Variants in KAT2B observed in about 807,000 individuals in gnomAD.
The protein encoded by KAT2B is lysine acetyltransferase 2B, also known as histone acetyltransferase KAT2B.
A neutral mutation model predicts 105.9 loss-of-function variants in KAT2B; 36 were observed. The ratio of observed to expected loss-of-function variants is 0.34; its 90% confidence interval spans 0.26 to 0.45. KAT2B has a LOEUF of 0.45. Ranked by LOEUF, KAT2B falls within the 20% of genes least tolerant of loss-of-function variation. The pLI, the probability that KAT2B is intolerant of heterozygous loss-of-function variation, is 1.00. For missense variants in KAT2B, 820 were observed against 1,021.6 expected (o/e 0.80, Z 2.69); for synonymous variants, 397 against 377.9 (o/e 1.05, Z -0.59).
chr3:20,056,120 G>A (rs548676141), intron 1 of KAT2B, among the ~76,000 whole-genome samples: 1 of 152,282 alleles, frequency 6.6e-6, no homozygotes, highest in Admixed American at 6.5e-5. Context: ...GAAGAATAAA[G>A]TATATGAGAG....
At chr3:20,108,903 G>A (rs1699070840) in intron 5 of KAT2B, among the ~76,000 whole-genome samples, 1 of 152,150 alleles carries the variant, frequency 6.6e-6, no homozygotes, top group African/African-American at 2.4e-5. Flanking sequence ...ATGATCTGAG[G>A]TGGAACAGTT....
intron 2 of KAT2B, among the ~76,000 whole-genome samples, 179 bp downstream of exon 2, chr3:20,072,638 G>T (rs906549059): frequency 6.6e-6 from 1 of 152,228 alleles, no homozygotes; most frequent in Non-Finnish European, 1.5e-5. Flanking sequence ...AGAGACAAAT[G>T]CTGCACTGTG....
chr3:20,099,216 C>G (rs1389303970), intron 3 of KAT2B, among the ~76,000 whole-genome samples: 8 of 152,078 alleles, frequency 5.3e-5, no homozygotes, highest in Admixed American at 5.2e-4. Context: ...CATTGAGATG[C>G]CAGAACAGTT....
chr3:20,151,528 C>T (rs571008139), intron 17 of KAT2B, among the ~76,000 whole-genome samples: 1 of 152,016 alleles, frequency 6.6e-6, no homozygotes, highest in Non-Finnish European at 1.5e-5. Flanking sequence ...TTCAAGACAA[C>T]CAGGGAACCA....
chr3:20,077,501 A>G (rs1208895978), intron 2 of KAT2B, among the ~76,000 whole-genome samples: 1 of 152,210 alleles, frequency 6.6e-6, no homozygotes, highest in Non-Finnish European at 1.5e-5. Context: ...AAATGTGTTT[A>G]CTCTGAATTG....
intron 14 of KAT2B, 38 bp downstream of exon 14, chr3:20,146,468 G>A (rs1217974579): frequency 2.6e-6 from 3 of 1,158,456 alleles, no homozygotes; most frequent in African/African-American, 3.1e-5. Context: ...AAATTTTTTA[G>A]TAATGCCGTG....
At chr3:20,141,025 C>G (rs555827139) in intron 13 of KAT2B, among the ~76,000 whole-genome samples, 1 of 152,282 alleles carries the variant, frequency 6.6e-6, no homozygotes, top group African/African-American at 2.4e-5. Flanking sequence ...CATCTATTTA[C>G]TATTCTCCAA....
chr3:20,110,672 CAAAAAAAAAA>C (rs55653348), intron 5 of KAT2B, among the ~76,000 whole-genome samples: 7 of 69,492 alleles, frequency 1.0e-4, no homozygotes, highest in Admixed American at 3.2e-4. Context: ...GACCCTGTCT[CAAAAAAAAAA>C]AAAAAAAAAG....
chr3:20,079,760 G>A (rs1022911576), intron 2 of KAT2B, among the ~76,000 whole-genome samples: 1 of 152,158 alleles, frequency 6.6e-6, no homozygotes, highest in African/African-American at 2.4e-5. Flanking sequence ...ACGTAAACAT[G>A]GGGCCCAGCT....
intron 2 of KAT2B, among the ~76,000 whole-genome samples, chr3:20,080,337 T>G (rs1293088890): frequency 6.6e-6 from 1 of 152,208 alleles, no homozygotes; most frequent in African/African-American, 2.4e-5. Context: ...GCCTTAGATC[T>G]GGAAGCTCAC....
intron 1 of KAT2B, among the ~76,000 whole-genome samples, chr3:20,059,566 G>A (rs1178005527): frequency 6.6e-6 from 1 of 151,210 alleles, no homozygotes; most frequent in Non-Finnish European, 1.5e-5. Flanking sequence ...TTAGCCAGGT[G>A]TGGTGGCGGG....
chr3:20,107,668 A>C (rs1699046133), intron 5 of KAT2B, among the ~76,000 whole-genome samples: 1 of 150,860 alleles, frequency 6.6e-6, no homozygotes, highest in African/African-American at 2.4e-5. Flanking sequence ...AAAAAAAAAA[A>C]AAAACCACAA....
At chr3:20,062,189 A>C (rs376998670) in intron 1 of KAT2B, among the ~76,000 whole-genome samples, 1 of 52,492 alleles carries the variant, frequency 1.9e-5, no homozygotes, top group Non-Finnish European at 3.4e-5. Context: ...ATAATATATA[A>C]AATATATATA....
intron 4 of KAT2B, among the ~76,000 whole-genome samples, chr3:20,100,211 CAT>C (rs1698886279): frequency 6.6e-6 from 1 of 152,072 alleles, no homozygotes; most frequent in African/African-American, 2.4e-5. Context: ...TTAAGTAGAA[CAT>C]GTAGTTTGTA....
At chr3:20,113,654 A>T (rs1009320022) in intron 6 of KAT2B, among the ~76,000 whole-genome samples, 2 of 152,206 alleles carry the variant, frequency 1.3e-5, no homozygotes, top group Non-Finnish European at 2.9e-5. Context: ...TGGCAGCAGA[A>T]CCACACATGT....
intron 11 of KAT2B, among the ~76,000 whole-genome samples, chr3:20,135,728 ATAGCC>A (rs1175623525): frequency 1.3e-5 from 2 of 152,160 alleles, no homozygotes; most frequent in Non-Finnish European, 2.9e-5. Context: ...AGGAATGACT[ATAGCC>A]TTGATGGTGC....
chr3:20,134,340 G>A (rs774498089), intron 11 of KAT2B, among the ~76,000 whole-genome samples: 26 of 151,782 alleles, frequency 1.7e-4, no homozygotes, highest in Non-Finnish European at 3.4e-4. Context: ...TCCTCTATTC[G>A]TCTTCTCTTT....
rs1697689829 is a variant in KAT2B at position 20,040,457 on chromosome 3, C to T, written c.-21C>T. The T allele has an allele frequency of 1.8e-6, 2 of 1,085,610 alleles. No individual in the cohort carries two copies. The highest frequency in any genetic ancestry group is 5.7e-5 in the East Asian group (1 of 17,468). The allele number at this position is 1,085,610 out of a possible 1,614,324, so 67.2% of individuals were successfully genotyped here. On this transcript the variant is annotated 5_prime_UTR_variant, in exon 1 of 18. Coordinates refer to ENST00000263754, the MANE Select transcript of KAT2B (RefSeq NM_003884.5). ...CGGCGGCGCCTGACACTCGGCGCCT[C>T]CTGCCGTGCTCCGGGGCGGCATGTC...
chr3:20,064,832 T>C (rs1419344120), intron 1 of KAT2B, among the ~76,000 whole-genome samples: 1 of 152,232 alleles, frequency 6.6e-6, no homozygotes, highest in Non-Finnish European at 1.5e-5. Flanking sequence ...GGGACATCCT[T>C]GACACTAATT....
Sources: allele counts gnomAD v4.1 joint callset (sites outside exome capture counted in the v4.1 genomes callset), GRCh38; gene constraint gnomAD v4.1.1; transcripts MANE v1.5; gene names NCBI Gene and HGNC (gene_info 2026-07-23, HGNC 2026-07-21).